Variants in SP140L observed in about 807,000 individuals in gnomAD.
SP140L encodes the protein SP140 like nuclear body protein.
A neutral mutation model predicts 84.3 loss-of-function variants in SP140L; 64 were observed. The observed-to-expected ratio is 0.76, with a 90% CI of 0.62 to 0.94. The LOEUF (loss-of-function observed/expected upper bound fraction) is 0.94, where lower values mean the gene tolerates loss of function less well. SP140L is among the 40% of genes least tolerant of loss of function. The pLI, the probability that SP140L is intolerant of heterozygous loss-of-function variation, is 0.00. For synonymous variants in SP140L, 242 were observed against 236.9 expected, an observed-to-expected ratio of 1.02 and a Z score of -0.20; for missense variants, 628 against 692.5, an observed-to-expected ratio of 0.91 and a Z score of 1.05.
At chr2:230,398,147 T>G (rs865798394) in intron 14 of SP140L, among the ~76,000 whole-genome samples, 1 of 152,218 alleles carries the variant, frequency 6.6e-6, no homozygotes, top group Admixed American at 6.5e-5. Flanking sequence ...ATCTGGACTA[T>G]GTATGACTTG....
chr2:230,381,711 TACACACACA>T (rs1167767941), intron 7 of SP140L, among the ~76,000 whole-genome samples: 1 of 147,056 alleles, frequency 6.8e-6, no homozygotes, highest in Non-Finnish European at 1.5e-5. Context: ...CCTGTCTCTC[TACACACACA>T]CACACACACA....
At chr2:230,386,014 C>G (rs2061565705) in intron 9 of SP140L, among the ~76,000 whole-genome samples, 1 of 152,146 alleles carries the variant, frequency 6.6e-6, no homozygotes, top group South Asian at 2.1e-4. Context: ...GGTTGATGCA[C>G]AATCACTAGC....
intron 7 of SP140L, among the ~76,000 whole-genome samples, chr2:230,374,183 G>C (rs1453413470): frequency 3.9e-5 from 6 of 152,106 alleles, no homozygotes; most frequent in African/African-American, 1.4e-4. Context: ...GGGCGTGGTG[G>C]CTTGTGCTTG....
intron 2 of SP140L, among the ~76,000 whole-genome samples, chr2:230,329,656 A>C (rs1453359594): frequency 6.6e-6 from 1 of 152,184 alleles, no homozygotes. Context: ...CTTGTGAAGA[A>C]GACACTTGCT....
intron 1 of SP140L, 87 bp downstream of exon 1, chr2:230,327,388 CA>C (rs2059609353): frequency 1.4e-6 from 2 of 1,454,258 alleles, no homozygotes; most frequent in Non-Finnish European, 1.9e-6. Flanking sequence ...TCTAAAGCTT[CA>C]GTTTAGTCCT....
intron 10 of SP140L, among the ~76,000 whole-genome samples, chr2:230,389,214 C>T (rs947971456): frequency 4.6e-5 from 7 of 152,072 alleles, no homozygotes; most frequent in African/African-American, 1.7e-4. Context: ...GACCGCTTCC[C>T]CTGCCCATCA....
intron 2 of SP140L, among the ~76,000 whole-genome samples, chr2:230,329,305 A>G (rs989784256): frequency 2.0e-5 from 3 of 152,172 alleles, no homozygotes; most frequent in Non-Finnish European, 4.4e-5. Context: ...TTTAGGCAAA[A>G]TTATTCTTAC....
At chr2:230,354,849 G>GAAAGA (rs2060475320) in intron 2 of SP140L, among the ~76,000 whole-genome samples, 1 of 4,418 alleles carries the variant, frequency 2.3e-4, no homozygotes, top group African/African-American at 9.1e-4. Flanking sequence ...AGAAAGAAAG[G>GAAAGA]AAAGAAAGAA....
intron 14 of SP140L, among the ~76,000 whole-genome samples, chr2:230,399,080 T>C (rs895120661): frequency 9.9e-5 from 15 of 152,206 alleles, no homozygotes; most frequent in African/African-American, 3.4e-4. Flanking sequence ...CTAATTTTAG[T>C]CCTTACAGCA....
intron 2 of SP140L, among the ~76,000 whole-genome samples, chr2:230,345,991 A>G (rs1292753461): frequency 6.6e-6 from 1 of 152,148 alleles, no homozygotes; most frequent in Admixed American, 6.5e-5. Flanking sequence ...ATATATTGTT[A>G]TGTTGTTAAC....
intron 2 of SP140L, among the ~76,000 whole-genome samples, chr2:230,346,389 C>G (rs1276277598): frequency 6.6e-6 from 1 of 152,120 alleles, no homozygotes; most frequent in Non-Finnish European, 1.5e-5. Context: ...GTTTGGGGAA[C>G]TTTGGGCCTC....
At chr2:230,387,861 C>T (rs1209473079) in intron 9 of SP140L, among the ~76,000 whole-genome samples, 1 of 152,162 alleles carries the variant, frequency 6.6e-6, no homozygotes, top group Non-Finnish European at 1.5e-5. Flanking sequence ...GGTTAACCTT[C>T]TTCTGATTAG....
chr2:230,357,066 A>G (rs2149728760), intron 2 of SP140L, among the ~76,000 whole-genome samples: 1 of 152,326 alleles, frequency 6.6e-6, no homozygotes, highest in East Asian at 1.9e-4. Context: ...CAGAGCAATA[A>G]CATGATCAAC....
intron 11 of SP140L, among the ~76,000 whole-genome samples, chr2:230,391,426 G>A (rs2061800912): frequency 6.6e-6 from 1 of 152,306 alleles, no homozygotes; most frequent in African/African-American, 2.4e-5. Context: ...TGAGTGTGAT[G>A]TGGTATCTCA....
At chr2:230,358,892 A>T in intron 3 of SP140L, 72 bp from the exon 4 acceptor site, 1 of 1,287,468 alleles carries the variant, frequency 7.8e-7, no homozygotes, top group Non-Finnish European at 1.1e-6. Context: ...AGTAACCATA[A>T]AATTTGTTTT....
intron 2 of SP140L, among the ~76,000 whole-genome samples, chr2:230,340,491 A>G (rs2060007819): frequency 6.9e-6 from 1 of 145,914 alleles, no homozygotes; most frequent in Non-Finnish European, 1.5e-5. Flanking sequence ...GTCCATTTAC[A>G]TTTAAAGTTA....
Position 230,359,146 on chromosome 2 carries a change from T to C in SP140L, c.439+14T>C, listed in dbSNP as rs1392512737. 3 of 1,601,124 alleles carry C rather than the reference T, an allele frequency of 1.9e-6. No individual in the cohort carries two copies. Among genetic ancestry groups the C allele is most frequent in the African/African-American group, 2.7e-5 (2 of 73,902 alleles). ...GCTTCAAAAATGGTAATTAGGTTTA[T>C]TATCTACCTTTTGATTTCCGGGGCC... On this transcript the variant is annotated intron_variant, in intron 4 of 18. Coordinates refer to ENST00000415673, the MANE Select transcript of SP140L (RefSeq NM_138402.6).
chr2:230,379,036 C>T (rs1439627156), intron 7 of SP140L, among the ~76,000 whole-genome samples: 1 of 152,064 alleles, frequency 6.6e-6, no homozygotes, highest in Admixed American at 6.5e-5. Flanking sequence ...GTGCTTTTGC[C>T]TTAAAATCTC....
chr2:230,361,413 C>A (rs918843295), intron 4 of SP140L, among the ~76,000 whole-genome samples: 3 of 152,148 alleles, frequency 2.0e-5, no homozygotes, highest in Non-Finnish European at 4.4e-5. Flanking sequence ...ATCCTTAAAT[C>A]TTGAGTATCC....
Sources: gnomAD v4.1 joint callset for allele counts (sites outside exome capture counted in the v4.1 genomes callset) on GRCh38, gnomAD v4.1.1 for gene constraint, MANE v1.5 for transcripts, NCBI Gene and HGNC (gene_info 2026-07-23, HGNC 2026-07-21) for gene names.